Variants in SWAP70 observed in about 807,000 individuals in gnomAD.
SWAP70 encodes switching B cell complex subunit SWAP70, also known as switch-associated protein 70.
A neutral mutation model predicts 80.2 loss-of-function variants in SWAP70; 34 were observed. The ratio of observed to expected loss-of-function variants is 0.42; its 90% CI spans 0.32 to 0.56. The LOEUF (loss-of-function observed/expected upper bound fraction) is 0.56. SWAP70 is among the 20% of genes least tolerant of loss of function. The pLI, the probability that SWAP70 is intolerant of heterozygous loss-of-function variation, is 0.09. For missense variants in SWAP70, 578 were observed against 690.7 expected (o/e 0.84, Z 1.83); for synonymous variants, 239 against 238.5 (o/e 1.00, Z -0.02).
chr11:9,675,386 A>G (rs994238799), intron 1 of SWAP70, among the ~76,000 whole-genome samples: 6 of 121,030 alleles, frequency 5.0e-5, no homozygotes, highest in South Asian at 3.5e-4. Flanking sequence ...AGAGAGAGAG[A>G]GAGAGAGAGA....
In SWAP70 at chr11:9,740,297, T is replaced by C; in HGVS notation, c.1305T>C (p.Asp435=). The change falls in exon 9 of 12, where the codon GAT becomes GAC. Residue 435 remains aspartate (D), a synonymous_variant. Coordinates refer to ENST00000318950, the MANE Select transcript of SWAP70 (RefSeq NM_015055.4). The part of the protein sequence containing the change: ...MYLKLQEALE[D]ERQARQDEET... The stretch of plus-strand genomic sequence containing the variant: ...TAAAGCTGCAGGAGGCTCTTGAAGA[T>C]GAGAGACAGGCCCGGCAAGATGAAG... The C allele has an allele frequency of 6.2e-7, 1 of 1,614,226 alleles. No homozygotes were observed. Among genetic ancestry groups the C allele is most frequent in the East Asian group, 2.2e-5 (1 of 44,890 alleles).
At chr11:9,727,386 T>TA (rs1182972436) in intron 4 of SWAP70, among the ~76,000 whole-genome samples, 2 of 151,622 alleles carry the variant, frequency 1.3e-5, no homozygotes, top group African/African-American at 2.4e-5. Flanking sequence ...GCGACACTCC[T>TA]AAAAAAAAAT....
At chr11:9,689,890 G>C (rs1850675043) in intron 1 of SWAP70, among the ~76,000 whole-genome samples, 1 of 152,174 alleles carries the variant, frequency 6.6e-6, no homozygotes, top group African/African-American at 2.4e-5. Flanking sequence ...GGTGGGGCTG[G>C]GGTAGCACCA....
At chr11:9,734,112 G>C (rs1851334427) in intron 7 of SWAP70, among the ~76,000 whole-genome samples, 1 of 152,264 alleles carries the variant, frequency 6.6e-6, no homozygotes. Flanking sequence ...AATTGGAAAT[G>C]CTTCAATGAG....
intron 1 of SWAP70, among the ~76,000 whole-genome samples, chr11:9,674,945 G>A (rs747819357): frequency 1.5e-4 from 23 of 151,422 alleles, no homozygotes; most frequent in Non-Finnish European, 2.7e-4. Context: ...CTCCAGCCTG[G>A]GCGACAGAGC....
chr11:9,697,335 T>A (rs1424465961), intron 2 of SWAP70, among the ~76,000 whole-genome samples: 1 of 150,848 alleles, frequency 6.6e-6, no homozygotes, highest in East Asian at 1.9e-4. Context: ...CCAGCAGGAG[T>A]GCAGTGCCGC....
rs193209013 is a variant in SWAP70 at position 9,693,166 on chromosome 11, C to T, written c.100-980C>T. On this transcript the variant is annotated intron_variant, in intron 1 of 11. Transcript: ENST00000318950. ...GTTTAGGGCTGAGAAAAATAAGGAA[C>T]GTTTTTACCTGGGGTTCAACTAGGA... is the stretch of plus-strand genomic sequence containing the variant. Among the ~76,000 whole-genome samples, 7 of 152,214 alleles carry T rather than the reference C, an allele frequency of 4.6e-5. No individual in the cohort carries two copies. The East Asian group carries it at 5.8e-4, about 13-fold the overall frequency.
At chr11:9,673,545 T>C (rs1479878993) in intron 1 of SWAP70, among the ~76,000 whole-genome samples, 1 of 152,192 alleles carries the variant, frequency 6.6e-6, no homozygotes, top group Non-Finnish European at 1.5e-5. Flanking sequence ...GACAACCATG[T>C]AGAAATGTGA....
intron 2 of SWAP70, among the ~76,000 whole-genome samples, chr11:9,706,611 G>A (rs895933674): frequency 7.9e-5 from 12 of 151,938 alleles, no homozygotes; most frequent in African/African-American, 2.7e-4. Context: ...TGAATTTTAT[G>A]TGCATTTTCC....
chr11:9,728,235 G>A (rs772484460), intron 5 of SWAP70, 36 bp downstream of exon 5: 21 of 1,537,082 alleles, frequency 1.4e-5, no homozygotes, highest in Middle Eastern at 1.7e-4. Flanking sequence ...TGATTACCCC[G>A]TGCTGCCCCC....
chr11:9,695,249 A>T (rs1052815876), intron 2 of SWAP70, among the ~76,000 whole-genome samples: 1 of 151,960 alleles, frequency 6.6e-6, no homozygotes, highest in East Asian at 1.9e-4. Flanking sequence ...AGTCGAGATC[A>T]CGCCATTGCA....
intron 1 of SWAP70, among the ~76,000 whole-genome samples, chr11:9,688,284 G>A (rs905619260): frequency 2.0e-5 from 3 of 152,212 alleles, no homozygotes; most frequent in Non-Finnish European, 2.9e-5. Context: ...TTTCAGAAAT[G>A]TACAGTCTTA....
intron 7 of SWAP70, among the ~76,000 whole-genome samples, chr11:9,735,452 G>A (rs1247547028): frequency 6.6e-6 from 1 of 152,150 alleles, no homozygotes; most frequent in Non-Finnish European, 1.5e-5. Context: ...AATAGGTAAT[G>A]CTGTAGGGAA....
At chr11:9,688,869 T>TA (rs1850662764) in intron 1 of SWAP70, among the ~76,000 whole-genome samples, 1 of 152,106 alleles carries the variant, frequency 6.6e-6, no homozygotes, top group South Asian at 2.1e-4. Flanking sequence ...GGGCAGGACT[T>TA]AGAGTAGACA....
At chr11:9,673,340 GACA>G (rs1850444385) in intron 1 of SWAP70, among the ~76,000 whole-genome samples, 1 of 152,202 alleles carries the variant, frequency 6.6e-6, no homozygotes, top group African/African-American at 2.4e-5. Flanking sequence ...GATACAAATA[GACA>G]GATGAAGAGA....
At chr11:9,687,312 A>C (rs1850644939) in intron 1 of SWAP70, among the ~76,000 whole-genome samples, 1 of 152,228 alleles carries the variant, frequency 6.6e-6, no homozygotes, top group Non-Finnish European at 1.5e-5. Context: ...AATACACAAC[A>C]AACAACATTA....
chr11:9,664,719 C>G (rs1259787556), intron 1 of SWAP70, among the ~76,000 whole-genome samples: 1 of 152,192 alleles, frequency 6.6e-6, no homozygotes, highest in African/African-American at 2.4e-5. Context: ...CTTCTGCAGC[C>G]CACAGCCCCA....
rs866677753 is a variant in SWAP70, at chr11:9,705,240, A to G, written c.241-8226A>G. Among the ~76,000 whole-genome samples the G allele has an allele frequency of 5.8e-5, 8 of 138,110 alleles. 2 individuals are homozygous for G. The East Asian group carries it at 1.7e-3, about 30-fold the overall frequency. 90.6% of individuals were successfully genotyped at this position (138,110 alleles called of 152,430 possible). ...ATCTGTATGCACTGGTGATATGTAT[A>G]TACTTGGTGATCTGTATACACTGGT... On this transcript the variant is annotated intron_variant, in intron 2 of 11. Coordinates refer to ENST00000318950, the MANE Select transcript of SWAP70 (RefSeq NM_015055.4).
chr11:9,680,272 C>T lies in SWAP70; in HGVS notation c.100-13874C>T, dbSNP rs557158312. ...TGTGTAGAAGATGACCACTCTAAGC[C>T]GTGCCATCCAGTGTTAGCCAGTAGC... On this transcript the variant is annotated intron_variant, in intron 1 of 11. Coordinates refer to ENST00000318950, the MANE Select transcript of SWAP70 (RefSeq NM_015055.4). Among the ~76,000 whole-genome samples the T allele has an allele frequency of 1.1e-3, 174 of 152,222 alleles. 2 individuals carry two copies. The highest frequency in any genetic ancestry group is 3.6e-3 in the African/African-American group (149 of 41,514).
Sources: allele counts gnomAD v4.1 joint callset (sites outside exome capture counted in the v4.1 genomes callset), GRCh38; gene constraint gnomAD v4.1.1; transcripts MANE v1.5; gene names NCBI Gene and HGNC (gene_info 2026-07-23, HGNC 2026-07-21).